Variants in RIMKLA observed in about 807,000 individuals in gnomAD.
RIMKLA encodes ribosomal modification protein rimK like family member A.
In RIMKLA, 14 loss-of-function variants were observed where a neutral mutation model predicts 32.7. That is an observed-to-expected ratio of 0.43 (90% CI 0.28 to 0.67). The LOEUF (loss-of-function observed/expected upper bound fraction) is 0.67. Among genes scored for constraint, RIMKLA ranks in the 30% least tolerant of loss-of-function variants. The pLI is 0.18. For synonymous variants in RIMKLA, 176 were observed against 204.1 expected (o/e 0.86, Z 1.18); for missense variants, 410 against 519.0 (o/e 0.79, Z 2.04).
intron 1 of RIMKLA, among the ~76,000 whole-genome samples, chr1:42,396,824 G>A (rs1194040085): frequency 1.8e-4 from 27 of 152,146 alleles, no homozygotes. Flanking sequence ...AGTTTTCAAA[G>A]CATTTTCACA....
intron 1 of RIMKLA, among the ~76,000 whole-genome samples, chr1:42,384,597 A>G (rs1055765665): frequency 7.4e-6 from 1 of 135,080 alleles, no homozygotes; most frequent in Non-Finnish European, 1.5e-5. Context: ...GTATATATGT[A>G]TATATGTATG....
At chr1:42,390,743 G>A (rs762202379) in intron 1 of RIMKLA, among the ~76,000 whole-genome samples, 33 of 152,112 alleles carry the variant, frequency 2.2e-4, no homozygotes, top group Non-Finnish European at 4.4e-4. Flanking sequence ...AAGGGACTAG[G>A]GACATATAAT....
chr1:42,398,467 T>A (rs1643066084), intron 1 of RIMKLA, among the ~76,000 whole-genome samples: 1 of 152,176 alleles, frequency 6.6e-6, no homozygotes, highest in Admixed American at 6.5e-5. Context: ...CTTGGAGAAA[T>A]TTTGGAAAAT....
intron 3 of RIMKLA, among the ~76,000 whole-genome samples, chr1:42,408,871 A>T (rs1643171412): frequency 6.6e-6 from 1 of 152,190 alleles, no homozygotes; most frequent in African/African-American, 2.4e-5. Flanking sequence ...GAGCAAACTT[A>T]TCAGAACCTC....
At chr1:42,390,712 A>T (rs764399339) in intron 1 of RIMKLA, among the ~76,000 whole-genome samples, 2 of 152,198 alleles carry the variant, frequency 1.3e-5, no homozygotes, top group Non-Finnish European at 2.9e-5. Context: ...AGAAAGTGTG[A>T]AATAGTGTTG....
intron 3 of RIMKLA, among the ~76,000 whole-genome samples, chr1:42,409,133 T>G (rs368140415): frequency 8.3e-6 from 1 of 121,084 alleles, no homozygotes; most frequent in African/African-American, 3.2e-5. Flanking sequence ...ACCCGGGAGG[T>G]GGAGGTTGCA....
chr1:42,414,024 G>A (rs777730635), intron 4 of RIMKLA, among the ~76,000 whole-genome samples: 50 of 151,612 alleles, frequency 3.3e-4, no homozygotes, highest in Non-Finnish European at 6.6e-4. Context: ...CCAAAGTGCT[G>A]GGATTACAGG....
intron 1 of RIMKLA, among the ~76,000 whole-genome samples, chr1:42,387,396 C>CA (rs11418573): frequency 0.4 from 59,380 of 148,328 alleles, 12,177 homozygotes; most frequent in Middle Eastern, 0.54. Flanking sequence ...GACCCTGTTT[C>CA]AAAAAAAAAA....
Position 42,415,234 on chromosome 1 carries a change from G to A in RIMKLA, c.*260G>A, listed in dbSNP as rs569738199. ...TCTGCTGTGAGCACGTGGATATTAC[G>A]GCTGACGCTAAGGCACTGACTCTGC... On this transcript the variant is annotated 3_prime_UTR_variant, in exon 5 of 5. Transcript: ENST00000431473. 27 of 391,564 alleles carry A rather than the reference G, an allele frequency of 6.9e-5. No homozygotes were observed. The highest frequency in any genetic ancestry group is 8.7e-5 in the Non-Finnish European group (19 of 218,578). The allele number at this position is 391,564 out of a possible 1,614,324, so 24.3% of individuals were successfully genotyped here.
intron 1 of RIMKLA, among the ~76,000 whole-genome samples, chr1:42,383,033 TTTTATTTATTTA>T (rs531801323): frequency 3.3e-5 from 5 of 149,632 alleles, no homozygotes; most frequent in African/African-American, 7.4e-5. Context: ...TTAATTTTTA[TTTTATTTATTTA>T]TTTATTTATT....
In RIMKLA at chr1:42,417,325, T is replaced by C. The variant is rs1643257062; in HGVS notation, c.*2351T>C. On this transcript the variant is annotated 3_prime_UTR_variant, in exon 5 of 5. Coordinates refer to ENST00000431473, the MANE Select transcript of RIMKLA (RefSeq NM_173642.4). ...GAAGTGGAGAAAGCTGGATCACAGCTGGACCACAACCAGCCCCAATCCAGG... is the reference window on the plus strand; with the variant it reads ...GAAGTGGAGAAAGCTGGATCACAGCCGGACCACAACCAGCCCCAATCCAGG... 1 of 152,300 alleles carries C rather than the reference T, an allele frequency of 6.6e-6. No homozygotes were observed. The highest frequency in any genetic ancestry group is 1.5e-5 in the Non-Finnish European group (1 of 68,096). 9.4% of individuals were successfully genotyped at this position (152,300 alleles called of 1,614,324 possible).
At chr1:42,411,361 TATAAG>T (rs1226443360) in intron 4 of RIMKLA, among the ~76,000 whole-genome samples, 3 of 152,008 alleles carry the variant, frequency 2.0e-5, no homozygotes, top group African/African-American at 4.8e-5. Flanking sequence ...GAGAGATAAT[TATAAG>T]ATAATTGTGA....
Position 42,414,918 on chromosome 1 carries a change from C to A in RIMKLA, c.1120C>A (p.Pro374Thr). 1 of 1,614,008 alleles carries A rather than the reference C, an allele frequency of 6.2e-7. No individual in the cohort carries two copies. ...AATGGGGGCCCCACCCTCCATGCTG[C>A]CCGAACCTGGCTACAACATTAACAA... ...STMGAPPSML[P>T]EPGYNINNRI... Residue 374 changes from proline to threonine, a missense_variant, in exon 5 of 5, where the codon CCC (proline) becomes ACC (threonine). Transcript: ENST00000431473.
chr1:42,407,914 T>C (rs541275449), intron 3 of RIMKLA, among the ~76,000 whole-genome samples: 1 of 152,318 alleles, frequency 6.6e-6, no homozygotes, highest in East Asian at 1.9e-4. Context: ...AAACTGTGGC[T>C]CCTTTATTAA....
In RIMKLA at chr1:42,414,746, A is replaced by C. The variant is rs367894453; in HGVS notation, c.948A>C (p.Gly316=). 1.2e-6 allele frequency: 2 copies of C among 1,614,196 alleles called. No homozygotes were observed. Among genetic ancestry groups the C allele is most frequent in the Non-Finnish European group, 1.7e-6 (2 of 1,180,036 alleles). The stretch of plus-strand genomic sequence containing the variant: ...CTGGAAAGATGGCTGTCCTCCCAGG[A>C]CTGTCGAGTCCAAGGGAGAAGAACG... ...RQTGKMAVLP[G]LSSPREKNEP... is the part of the protein sequence containing the mutation. Residue 316 remains glycine (G), a synonymous_variant, in exon 5 of 5, where the codon GGA becomes GGC. Transcript: ENST00000431473.
chr1:42,381,085 G>A lies in RIMKLA; in HGVS notation c.151G>A (p.Gly51Ser). ...GGACCAGATCGCCGTCACCATCGTC[G>A]GCGGCCACCTCGGTGAGCGAGGCGG... ...LMDQIAVTIV[G>S]GHLGLQLNQK... Residue 51 changes from glycine (G) to serine (S), a missense_variant, in exon 1 of 5, where the codon GGC becomes AGC. Gly to Ser is a moderately conservative substitution (Grantham distance 56). Coordinates refer to ENST00000431473, the MANE Select transcript of RIMKLA (RefSeq NM_173642.4). The A allele has an allele frequency of 7.9e-7, 1 of 1,264,022 alleles. No individual in the cohort carries two copies. The highest frequency in any genetic ancestry group is 1.5e-5 in the African/African-American group (1 of 64,648). The allele number at this position is 1,264,022 out of a possible 1,614,324, so 78.3% of individuals were successfully genotyped here. A position where few individuals can be genotyped will look rare whatever the true frequency, so the allele number is the denominator to read the frequency against.
intron 1 of RIMKLA, among the ~76,000 whole-genome samples, chr1:42,398,486 G>A: frequency 6.6e-6 from 1 of 152,120 alleles, no homozygotes; most frequent in East Asian, 1.9e-4. Flanking sequence ...ATACAGACAA[G>A]TATAAAATAT....
At position 42,416,053 on chromosome 1, in the gene RIMKLA, C is replaced by T. The variant is rs926755886; in HGVS notation, c.*1079C>T. On this transcript the variant is annotated 3_prime_UTR_variant, in exon 5 of 5. Transcript: ENST00000431473. ...TACCCACTTTTCCAAACGGGGAAGA[C>T]TCAGGTATCAGGAATTACCCATTGC... 30 of 140,312 alleles carry T rather than the reference C, an allele frequency of 2.1e-4. No individual in the cohort carries two copies. The highest frequency in any genetic ancestry group is 7.1e-4 in the Admixed American group (9 of 12,664). 8.7% of individuals were successfully genotyped at this position (140,312 alleles called of 1,614,324 possible).
Position 42,422,433 on chromosome 1 carries a change from G to A in RIMKLA, c.*7459G>A, listed in dbSNP as rs1455826386. On this transcript the variant is annotated 3_prime_UTR_variant, in exon 5 of 5. Transcript: ENST00000431473. Reference sequence around the variant, plus strand: ...TGGCAAAATGAAAATATGCTGAAAAGAATACATCTTAACTAGGCACCAGAA... The same window carrying A: ...TGGCAAAATGAAAATATGCTGAAAAAAATACATCTTAACTAGGCACCAGAA... 1.3e-5 allele frequency: 2 copies of A among 152,204 alleles called. No individual in the cohort carries two copies. The highest frequency in any genetic ancestry group is 1.5e-5 in the Non-Finnish European group (1 of 68,032). 9.4% of individuals were successfully genotyped at this position (152,204 alleles called of 1,614,324 possible).
Sources: allele counts gnomAD v4.1 joint callset (sites outside exome capture counted in the v4.1 genomes callset), GRCh38; gene constraint gnomAD v4.1.1; transcripts MANE v1.5; gene names NCBI Gene and HGNC (gene_info 2026-07-23, HGNC 2026-07-21).